Variants in MECOM observed in about 807,000 individuals in gnomAD.
MECOM encodes histone-lysine N-methyltransferase MECOM.
A neutral mutation model predicts 116.3 loss-of-function variants in MECOM; 13 were observed. The observed-to-expected ratio is 0.11, with a 90% confidence interval of 0.07 to 0.18. The LOEUF is 0.18. MECOM is among the 10% of genes least tolerant of loss of function. MECOM has a pLI of 1.00. For synonymous variants in MECOM, 528 were observed against 535.2 expected, an observed-to-expected ratio of 0.99 and a Z score of 0.19; for missense variants, 1,299 against 1,509.0, an observed-to-expected ratio of 0.86 and a Z score of 2.31.
At chr3:169,228,536 A>G (rs576303926) in intron 2 of MECOM, among the ~76,000 whole-genome samples, 21 of 152,352 alleles carry the variant, frequency 1.4e-4, no homozygotes, top group Middle Eastern at 6.8e-3. Flanking sequence ...TCAAGAAAGT[A>G]GTGTATTAAA....
At chr3:169,174,777 AT>A (rs138494218) in intron 2 of MECOM, among the ~76,000 whole-genome samples, 36,952 of 152,026 alleles carry the variant, frequency 0.24, 6,046 homozygotes, top group African/African-American at 0.46. Context: ...GACACACAGC[AT>A]TTTAAAATTA....
At chr3:169,489,128 C>G (rs1752769528) in intron 1 of MECOM, among the ~76,000 whole-genome samples, 1 of 151,936 alleles carries the variant, frequency 6.6e-6, no homozygotes. Flanking sequence ...TTTGAAAACC[C>G]AGACAAAAGA....
At chr3:169,303,170 T>C (rs1717074241) in intron 2 of MECOM, among the ~76,000 whole-genome samples, 1 of 152,190 alleles carries the variant, frequency 6.6e-6, no homozygotes, top group Non-Finnish European at 1.5e-5. Flanking sequence ...TTACATATTT[T>C]CTACAAATTC....
chr3:169,182,906 C>G (rs533897410), intron 2 of MECOM, among the ~76,000 whole-genome samples: 1 of 152,038 alleles, frequency 6.6e-6, no homozygotes, highest in Non-Finnish European at 1.5e-5. Flanking sequence ...CTTGGCTAAA[C>G]AGAGCTTGTT....
chr3:169,375,957 A>T (rs1730960252), intron 2 of MECOM, among the ~76,000 whole-genome samples: 1 of 152,224 alleles, frequency 6.6e-6, no homozygotes, highest in Non-Finnish European at 1.5e-5. Context: ...TGAATCCAGC[A>T]GCACATCAGA....
intron 14 of MECOM, 141 bp downstream of exon 14, chr3:169,092,816 TG>T: frequency 1.2e-6 from 1 of 846,222 alleles, no homozygotes; most frequent in Non-Finnish European, 1.8e-6. Context: ...GCATTTAATG[TG>T]GTATTTAATA....
chr3:169,324,265 C>T (rs1039570498), intron 2 of MECOM, among the ~76,000 whole-genome samples: 3 of 152,150 alleles, frequency 2.0e-5, no homozygotes, highest in African/African-American at 7.2e-5. Context: ...GATGAGGAAA[C>T]CAAGCACACT....
chr3:169,340,815 C>T (rs1258480870), intron 2 of MECOM, among the ~76,000 whole-genome samples: 1 of 152,124 alleles, frequency 6.6e-6, no homozygotes, highest in African/African-American at 2.4e-5. Flanking sequence ...AAAGGGAATC[C>T]ATCAGCTTCT....
intron 2 of MECOM, among the ~76,000 whole-genome samples, chr3:169,173,540 C>T (rs1238577252): frequency 6.6e-6 from 1 of 152,180 alleles, no homozygotes; most frequent in Non-Finnish European, 1.5e-5. Context: ...CTTTCTCTGG[C>T]TTGTACTATC....
rs560876624 is a variant in MECOM, at chr3:169,103,804, A to G, written c.2605-1578T>C. Among the ~76,000 whole-genome samples the G allele has an allele frequency of 6.6e-5, 10 of 152,288 alleles. No homozygotes were observed. In the South Asian group the frequency reaches 1.9e-3, roughly 28 times the overall value. On this transcript the variant is annotated intron_variant, in intron 10 of 16. Coordinates refer to ENST00000651503, the MANE Select transcript of MECOM (RefSeq NM_004991.4). The stretch of plus-strand genomic sequence containing the variant: ...AAAGTCTTAACAGCATGGCCTGAAC[A>G]TGATCTCTTCTCACAAAAGGAATAT...
At chr3:169,192,076 AC>A (rs1213058194) in intron 2 of MECOM, among the ~76,000 whole-genome samples, 10 of 152,008 alleles carry the variant, frequency 6.6e-5, no homozygotes, top group Admixed American at 4.6e-4. Context: ...CTGTTAAGGA[AC>A]CTAAAAATGA....
chr3:169,134,979 C>G (rs1376398317), intron 3 of MECOM, among the ~76,000 whole-genome samples: 2 of 152,090 alleles, frequency 1.3e-5, no homozygotes, highest in East Asian at 1.9e-4. Context: ...AAAAATGCAA[C>G]AAAGGAGTGA....
At chr3:169,275,117 T>C (rs1759421072) in intron 2 of MECOM, among the ~76,000 whole-genome samples, 1 of 152,214 alleles carries the variant, frequency 6.6e-6, no homozygotes, top group South Asian at 2.1e-4. Context: ...CAAATGTGTG[T>C]GTGTGTGTTT....
At chr3:169,165,112 G>A (rs1048143083) in intron 2 of MECOM, among the ~76,000 whole-genome samples, 1 of 152,170 alleles carries the variant, frequency 6.6e-6, no homozygotes, top group Non-Finnish European at 1.5e-5. Flanking sequence ...CTTAGTGAAA[G>A]TTCTTAAATA....
At chr3:169,505,306 G>GC (rs1755057848) in intron 1 of MECOM, among the ~76,000 whole-genome samples, 1 of 112,182 alleles carries the variant, frequency 8.9e-6, no homozygotes, top group African/African-American at 4.0e-5. Flanking sequence ...CTTAGAGCAG[G>GC]AATTTTTTTT....
rs771595004 is a variant in MECOM, at chr3:169,414,431, C to G, written c.38-32907G>C. ...ATAAATCCATGAAGATGGGGAAAAA[C>G]CAGCACAAAAAGGCTGATAATTCCA... On this transcript the variant is annotated intron_variant, in intron 1 of 16. Transcript: ENST00000651503. 7.9e-5 allele frequency among the ~76,000 whole-genome samples: 12 copies of G among 152,122 alleles called. No individual in the cohort carries two copies. The East Asian group carries it at 1.9e-3, about 24-fold the overall frequency.
At chr3:169,599,281 C>T (rs9842788) in intron 1 of MECOM, among the ~76,000 whole-genome samples, 4,583 of 152,082 alleles carry the variant, frequency 0.03, 75 homozygotes, top group Middle Eastern at 0.058. Context: ...TTTGGAAGGC[C>T]GAGGCGGGCA....
Position 169,215,701 on chromosome 3 carries a change from T to C in MECOM, c.376-71869A>G, listed in dbSNP as rs554455497. Among the ~76,000 whole-genome samples the C allele has an allele frequency of 6.6e-5, 10 of 152,280 alleles. No homozygotes were observed. The South Asian group carries it at 8.3e-4, about 13-fold the overall frequency. On this transcript the variant is annotated intron_variant, in intron 2 of 16. Coordinates refer to ENST00000651503, the MANE Select transcript of MECOM (RefSeq NM_004991.4). ...GAACCATTTTATTACAAAAGAACAA[T>C]AGATTTCCTTGCTGGGTAAAGTAAG...
chr3:169,636,917 C>T (rs2110003901), intron 1 of MECOM, among the ~76,000 whole-genome samples: 1 of 152,270 alleles, frequency 6.6e-6, no homozygotes, highest in Non-Finnish European at 1.5e-5. Context: ...AAATAGACTA[C>T]AATACCTAGT....
Sources: allele counts gnomAD v4.1 joint callset (sites outside exome capture counted in the v4.1 genomes callset), GRCh38; gene constraint gnomAD v4.1.1; transcripts MANE v1.5; gene names NCBI Gene and HGNC (gene_info 2026-07-23, HGNC 2026-07-21).